PHF3: variants seen among roughly 807,000 people sequenced by gnomAD.
The protein encoded by PHF3 is PHD finger protein 3.
PHF3 carries 41 observed loss-of-function variants against 178.4 expected under a neutral mutation model. The ratio of observed to expected loss-of-function variants is 0.23; its 90% CI spans 0.18 to 0.30. The LOEUF is 0.30. Among genes scored for constraint, PHF3 ranks in the 10% least tolerant of loss-of-function variants. The pLI is 1.00. For missense variants in PHF3, 2,346 were observed against 2,398.1 expected, an observed-to-expected ratio of 0.98 and a Z score of 0.45; for synonymous variants, 842 against 800.5, an observed-to-expected ratio of 1.05 and a Z score of -0.88.
intron 11 of PHF3, among the ~76,000 whole-genome samples, chr6:63,705,003 T>A (rs1276041350): frequency 6.6e-6 from 1 of 152,218 alleles, no homozygotes; most frequent in Non-Finnish European, 1.5e-5. Flanking sequence ...TCTGTTGTTT[T>A]ACTTTGCATT....
chr6:63,645,080 C>T (rs1224662947), intron 1 of PHF3, among the ~76,000 whole-genome samples: 4 of 151,724 alleles, frequency 2.6e-5, no homozygotes, highest in Admixed American at 2.0e-4. Flanking sequence ...GACGGGGTTT[C>T]GCCTTGTTGC....
rs1005137740 is a variant in PHF3, at chr6:63,709,028, CTTTA to C, written c.3712-118_3712-115del. On this transcript the variant is annotated intron_variant, in intron 13 of 15. Transcript: ENST00000262043. ...TTTTCCGATGCATTTTTCATAATCT[CTTTA>C]TTTACTTGTTTTTATTACTGTTTCA... 7.1e-5 allele frequency: 38 copies of C among 537,910 alleles called. 1 individual carries two copies. The East Asian group carries it at 9.5e-4, about 13-fold the overall frequency. The allele number at this position is 537,910 out of a possible 1,614,324, so 33.3% of individuals were successfully genotyped here.
chr6:63,709,022 TA>T, intron 13 of PHF3, 128 bp from the exon 14 acceptor site: 1 of 516,714 alleles, frequency 1.9e-6, no homozygotes. Context: ...GCATTTTTCA[TA>T]ATCTCTTTAT....
At chr6:63,638,837 T>TA (rs1764457549) in intron 1 of PHF3, among the ~76,000 whole-genome samples, 1 of 152,280 alleles carries the variant, frequency 6.6e-6, no homozygotes, top group South Asian at 2.1e-4. Context: ...ACATTTATGA[T>TA]ACTGTTGCAT....
Position 63,713,815 on chromosome 6 carries a change from A to T in PHF3, c.*107A>T, listed in dbSNP as rs1270196254. On this transcript the variant is annotated 3_prime_UTR_variant, in exon 16 of 16. Coordinates refer to ENST00000262043, the MANE Select transcript of PHF3 (RefSeq NM_001370348.2). ...GGATTGTGCCATCTTTAAAATTTTT[A>T]CTATTGGTCATTTGCAGAACAGTAA... is the stretch of plus-strand genomic sequence containing the variant. The T allele has an allele frequency of 1.1e-6, 1 of 918,420 alleles. No homozygotes were observed. Among genetic ancestry groups the T allele is most frequent in the Non-Finnish European group, 1.6e-6 (1 of 621,952 alleles). 56.9% of individuals were successfully genotyped at this position (918,420 alleles called of 1,614,324 possible). A position where few individuals can be genotyped will look rare whatever the true frequency, so the allele number is the denominator to read the frequency against.
chr6:63,712,410 A>T lies in PHF3; in HGVS notation c.4822A>T (p.Asn1608Tyr). The T allele has an allele frequency of 6.2e-7, 1 of 1,613,888 alleles. No individual in the cohort carries two copies. Among genetic ancestry groups the T allele is most frequent in the African/African-American group, 1.3e-5 (1 of 75,024 alleles). ...AGATCAAGAGAATAATTTGCAAGATAACCAGACTTCAAATAGTTCTCCATG... is the reference window on the plus strand; with the variant it reads ...AGATCAAGAGAATAATTTGCAAGATTACCAGACTTCAAATAGTTCTCCATG... ...QEDQENNLQD[N>Y]QTSNSSPCRS... The change falls in exon 16 of 16, where the codon AAC becomes TAC. Residue 1608 changes from asparagine to tyrosine, a missense_variant. Asn to Tyr is a moderately radical substitution (Grantham distance 143). Around this residue, in one of 8 missense-constraint regions of PHF3, gnomAD observed 839 missense variants for 806.9 expected, o/e 1.04. Transcript: ENST00000262043.
chr6:63,653,205 AT>A (rs578059095), intron 2 of PHF3, among the ~76,000 whole-genome samples: 1,344 of 104,544 alleles, frequency 0.013, 21 homozygotes, highest in African/African-American at 0.046. Flanking sequence ...GGTTTTGGGG[AT>A]TTTTTTTTCT....
chr6:63,685,966 T>TG (rs779424474), intron 4 of PHF3, 55 bp downstream of exon 4: 4 of 1,257,536 alleles, frequency 3.2e-6, no homozygotes, highest in Non-Finnish European at 3.4e-6. Flanking sequence ...ATTGCTTTTT[T>TG]GGGGGTGGGA....
intron 5 of PHF3, 92 bp from the exon 6 acceptor site, chr6:63,694,489 T>C (rs1032550072): frequency 3.4e-6 from 3 of 876,516 alleles, no homozygotes; most frequent in Admixed American, 2.9e-5. Context: ...GAATCTCATT[T>C]TACTAATAAT....
chr6:63,683,341 T>C (rs1337510947), intron 3 of PHF3, among the ~76,000 whole-genome samples: 1 of 152,076 alleles, frequency 6.6e-6, no homozygotes, highest in Admixed American at 6.6e-5. Context: ...TCTTTTTAGC[T>C]CTTTTCATTT....
At chr6:63,655,804 C>G (rs1765208461) in intron 2 of PHF3, among the ~76,000 whole-genome samples, 1 of 151,954 alleles carries the variant, frequency 6.6e-6, no homozygotes, top group African/African-American at 2.4e-5. Context: ...GTAGATATTT[C>G]TTCTTTTTCT....
At chr6:63,711,041 A>G in intron 14 of PHF3, 126 bp from the exon 15 acceptor site, 1 of 618,724 alleles carries the variant, frequency 1.6e-6, no homozygotes, top group Non-Finnish European at 2.6e-6. Flanking sequence ...TTAAGTTGGT[A>G]AACCACGTTA....
chr6:63,636,069 C>A lies in PHF3; in HGVS notation c.-107C>A, dbSNP rs1296657703. The stretch of plus-strand genomic sequence containing the variant: ...CCCCTCTCCGCGGCACCCACCGGGC[C>A]CCCTCCTCCTCCTCTTCGGCGGCGG... On this transcript the variant is annotated 5_prime_UTR_variant, in exon 1 of 16. Coordinates refer to ENST00000262043, the MANE Select transcript of PHF3 (RefSeq NM_001370348.2). 2 of 393,148 alleles carry A rather than the reference C, an allele frequency of 5.1e-6. No individual in the cohort carries two copies. The highest frequency in any genetic ancestry group is 1.4e-4 in the South Asian group (1 of 7,304). The allele number at this position is 393,148 out of a possible 1,614,324, so 24.4% of individuals were successfully genotyped here.
intron 2 of PHF3, chr6:63,679,758 A>C: frequency 1.9e-6 from 1 of 517,956 alleles, no homozygotes. Flanking sequence ...TAAATCAGGA[A>C]AGAGTATAAT....
intron 2 of PHF3, among the ~76,000 whole-genome samples, chr6:63,675,599 G>T (rs974063755): frequency 1.3e-5 from 2 of 152,130 alleles, no homozygotes; most frequent in African/African-American, 4.8e-5. Flanking sequence ...TGAAGGAAGT[G>T]TGTTGTCAGG....
intron 6 of PHF3, among the ~76,000 whole-genome samples, chr6:63,696,863 G>A (rs560098049): frequency 3.3e-5 from 5 of 152,188 alleles, no homozygotes; most frequent in African/African-American, 1.2e-4. Flanking sequence ...GAGCAGTAGG[G>A]AAAAAAACCA....
chr6:63,683,683 G>A (rs1387541043), intron 3 of PHF3, among the ~76,000 whole-genome samples: 3 of 151,938 alleles, frequency 2.0e-5, no homozygotes, highest in Admixed American at 6.6e-5. Flanking sequence ...GAGGTTTTTA[G>A]TTCAGGTTTC....
intron 2 of PHF3, among the ~76,000 whole-genome samples, chr6:63,671,610 C>T (rs922193466): frequency 5.9e-5 from 9 of 152,082 alleles, no homozygotes; most frequent in Non-Finnish European, 1.2e-4. Context: ...ACATTCCAAG[C>T]AGAGAAATAG....
At position 63,724,986 on chromosome 6, in the gene PHF3, T is replaced by G. The variant is rs1277315404; in HGVS notation, c.*11278T>G. 6.6e-6 allele frequency among the ~76,000 whole-genome samples: 1 copy of G among 152,112 alleles called. No individual in the cohort carries two copies. The highest frequency in any genetic ancestry group is 2.4e-5 in the African/African-American group (1 of 41,444). ...ACTGTCAGCTGCATTTTCTGCAACC[T>G]TAAATAAATGAGAGACTTCAAATAA... On this transcript the variant is annotated 3_prime_UTR_variant, in exon 16 of 16. Transcript: ENST00000262043.
Sources: allele counts gnomAD v4.1 joint callset (sites outside exome capture counted in the v4.1 genomes callset), GRCh38; gene constraint gnomAD v4.1.1; regional missense constraint gnomAD v4.1.1; transcripts MANE v1.5; gene names NCBI Gene and HGNC (gene_info 2026-07-23, HGNC 2026-07-21).